Variants in MEOX1 observed in about 807,000 individuals in gnomAD.
MEOX1 encodes the protein mesenchyme homeobox 1.
Under a neutral mutation model 23.2 loss-of-function variants are expected in MEOX1, and 17 were observed. The ratio of observed to expected loss-of-function variants is 0.73; its 90% CI spans 0.50 to 1.10. MEOX1 has a LOEUF of 1.10. MEOX1 is among the 50% of genes least tolerant of loss of function. The probability of loss-of-function intolerance (pLI) is 0.00; values close to 1 mark genes in which losing one functional copy is unlikely to be tolerated. For missense variants in MEOX1, 333 were observed against 332.2 expected (o/e 1.00, Z -0.02); for synonymous variants, 134 against 135.1 (o/e 0.99, Z 0.06).
At position 43,641,594 on chromosome 17, in the gene MEOX1, G is replaced by T. The variant is rs146772202; in HGVS notation, c.*316C>A. 76 of 226,070 alleles carry T rather than the reference G, an allele frequency of 3.4e-4. No individual in the cohort carries two copies. Among genetic ancestry groups the T allele is most frequent in the African/African-American group, 1.6e-3 (72 of 43,944 alleles). 14.0% of individuals were successfully genotyped at this position (226,070 alleles called of 1,614,324 possible). ...GAGAACAGCGGTAGGAGGAGGCATG[G>T]GTGGCAGCCAAGAGACGCTGAGAAG... On this transcript the variant is annotated 3_prime_UTR_variant, in exon 3 of 3. Transcript: ENST00000318579.
intron 1 of MEOX1, among the ~76,000 whole-genome samples, chr17:43,657,078 CTT>C (rs528807400): frequency 8.5e-6 from 1 of 117,032 alleles, no homozygotes; most frequent in Non-Finnish European, 1.8e-5. Flanking sequence ...TTCTTTCTTT[CTT>C]TTCTTTCTTT....
chr17:43,655,765 A>G (rs1339157738), intron 1 of MEOX1, among the ~76,000 whole-genome samples: 2 of 152,088 alleles, frequency 1.3e-5, no homozygotes, highest in Non-Finnish European at 2.9e-5. Context: ...AGTCACAAAA[A>G]TGACAAACAT....
In MEOX1 at chr17:43,661,620, A is replaced by G. The variant is rs1465889618; in HGVS notation, c.-86T>C. 1 of 872,620 alleles carries G rather than the reference A, an allele frequency of 1.1e-6. No homozygotes were observed. The highest frequency in any genetic ancestry group is 3.8e-5 in the Admixed American group (1 of 26,226). The allele number at this position is 872,620 out of a possible 1,614,324, so 54.1% of individuals were successfully genotyped here. ...CAAATTTTTAAAAATGCAAAAGAAA[A>G]AAAACTAAATAGGAGGGAAAAATGT... On this transcript the variant is annotated 5_prime_UTR_variant, in exon 1 of 3. Coordinates refer to ENST00000318579, the MANE Select transcript of MEOX1 (RefSeq NM_004527.4).
chr17:43,644,269 A>G lies in MEOX1; in HGVS notation c.470-609T>C, dbSNP rs527543249. On this transcript the variant is annotated intron_variant, in intron 1 of 2. Coordinates refer to ENST00000318579, the MANE Select transcript of MEOX1 (RefSeq NM_004527.4). ...CATCAGTAGCACCAGGGAGCTGTTCAGACCTGAAGGATCTCAGGCCTGCCC... is the reference window on the plus strand; with the variant it reads ...CATCAGTAGCACCAGGGAGCTGTTCGGACCTGAAGGATCTCAGGCCTGCCC... Among the ~76,000 whole-genome samples the G allele has an allele frequency of 7.2e-5, 11 of 152,384 alleles. No homozygotes were observed. The East Asian group carries it at 2.1e-3, about 29-fold the overall frequency.
chr17:43,642,149 T>C, intron 2 of MEOX1, 117 bp from the exon 3 acceptor site: 2 of 1,044,274 alleles, frequency 1.9e-6, no homozygotes, highest in Non-Finnish European at 2.8e-6. Context: ...AACCATCACT[T>C]ACCACTCCCT....
At chr17:43,652,785 T>C (rs2012861) in intron 1 of MEOX1, among the ~76,000 whole-genome samples, 4,235 of 151,608 alleles carry the variant, frequency 0.028, 190 homozygotes, top group African/African-American at 0.097. Flanking sequence ...GTGACACTTA[T>C]TGGGGTTGTC....
rs1448709465 is a variant in MEOX1, at chr17:43,640,479, T to C, written c.*1431A>G. Reference sequence around the variant, plus strand: ...AGCTTGATGTAATCTTAAGAAAATATATGAAGTATGCTTTAGAAAAAATCA... The same window carrying C: ...AGCTTGATGTAATCTTAAGAAAATACATGAAGTATGCTTTAGAAAAAATCA... On this transcript the variant is annotated 3_prime_UTR_variant, in exon 3 of 3. Coordinates refer to ENST00000318579, the MANE Select transcript of MEOX1 (RefSeq NM_004527.4). 6.6e-6 allele frequency: 1 copy of C among 152,214 alleles called. No homozygotes were observed. The highest frequency in any genetic ancestry group is 2.1e-4 in the South Asian group (1 of 4,830). 9.4% of individuals were successfully genotyped at this position (152,214 alleles called of 1,614,324 possible).
chr17:43,659,457 C>A (rs1489334350), intron 1 of MEOX1, among the ~76,000 whole-genome samples: 2 of 152,058 alleles, frequency 1.3e-5, no homozygotes, highest in Non-Finnish European at 2.9e-5. Context: ...AGCAGACAGA[C>A]CAAACATCAT....
rs1973008893 is a variant in MEOX1, at chr17:43,655,856, G to T, written c.469+5210C>A. Reference sequence around the variant, plus strand: ...AGAATGGTGATTGCTAGGGGGTGGGGGAAGGGAAAAAAGGTCGTTGTTTAA... The same window carrying T: ...AGAATGGTGATTGCTAGGGGGTGGGTGAAGGGAAAAAAGGTCGTTGTTTAA... On this transcript the variant is annotated intron_variant, in intron 1 of 2. Transcript: ENST00000318579. Among the ~76,000 whole-genome samples, 5 of 152,198 alleles carry T rather than the reference G, an allele frequency of 3.3e-5. No homozygotes were observed. The South Asian group carries it at 1.0e-3, about 32-fold the overall frequency.
chr17:43,643,120 C>A (rs1343439363), intron 2 of MEOX1, among the ~76,000 whole-genome samples: 1 of 151,498 alleles, frequency 6.6e-6, no homozygotes, highest in African/African-American at 2.4e-5. Context: ...ACCATCCTGG[C>A]CAACATGGTG....
chr17:43,648,957 A>G (rs4793011), intron 1 of MEOX1, among the ~76,000 whole-genome samples: 46,177 of 152,108 alleles, frequency 0.3, 8,568 homozygotes, highest in African/African-American at 0.53. Context: ...CTTAGCACTC[A>G]TAGGTGAGTG....
At chr17:43,659,047 T>C (rs1973092684) in intron 1 of MEOX1, among the ~76,000 whole-genome samples, 2 of 152,194 alleles carry the variant, frequency 1.3e-5, no homozygotes, top group South Asian at 2.1e-4. Flanking sequence ...GTGTGAATGG[T>C]CTCTCTGCAT....
chr17:43,657,054 C>CTTTCTTTCTT, intron 1 of MEOX1, among the ~76,000 whole-genome samples: 1 of 132,656 alleles, frequency 7.5e-6, no homozygotes, highest in Middle Eastern at 3.5e-3. Context: ...TTCTTTCTTT[C>CTTTCTTTCTT]TTTCCTTCCT....
At chr17:43,652,998 A>G (rs565233752) in intron 1 of MEOX1, among the ~76,000 whole-genome samples, 2 of 150,844 alleles carry the variant, frequency 1.3e-5, no homozygotes, top group Non-Finnish European at 3.0e-5. Context: ...CGCTTGGCTA[A>G]TTTTTTTATA....
chr17:43,655,444 C>T (rs1432275526), intron 1 of MEOX1, among the ~76,000 whole-genome samples: 1 of 150,298 alleles, frequency 6.7e-6, no homozygotes, highest in Admixed American at 6.6e-5. Flanking sequence ...GCACTCCAGC[C>T]TGGCAACAGA....
intron 1 of MEOX1, among the ~76,000 whole-genome samples, chr17:43,653,447 C>T (rs1972955877): frequency 6.7e-6 from 1 of 148,770 alleles, no homozygotes. Context: ...GCCCATGCCT[C>T]TTTTCTCCTT....
chr17:43,644,986 T>C (rs546766562), intron 1 of MEOX1, among the ~76,000 whole-genome samples: 20 of 152,044 alleles, frequency 1.3e-4, no homozygotes, highest in Non-Finnish European at 1.8e-4. Flanking sequence ...AATGGTTATC[T>C]CTTGAGCAGA....
chr17:43,643,444 G>A (rs772059036), intron 2 of MEOX1, 44 bp downstream of exon 2: 1 of 1,493,084 alleles, frequency 6.7e-7, no homozygotes, highest in African/African-American at 1.4e-5. Context: ...GGAAGGGAGG[G>A]AGATGAGAGA....
At chr17:43,642,846 G>A (rs575840644) in intron 2 of MEOX1, among the ~76,000 whole-genome samples, 13 of 152,244 alleles carry the variant, frequency 8.5e-5, no homozygotes, top group African/African-American at 3.1e-4. Flanking sequence ...CAAGTGCCTT[G>A]GGGGATTCCA....
Sources: gnomAD v4.1 joint callset for allele counts (sites outside exome capture counted in the v4.1 genomes callset) on GRCh38, gnomAD v4.1.1 for gene constraint, MANE v1.5 for transcripts, NCBI Gene and HGNC (gene_info 2026-07-23, HGNC 2026-07-21) for gene names.